Variants in GRID2 observed in about 807,000 individuals in gnomAD.
GRID2 encodes the protein glutamate receptor ionotropic, delta-2.
GRID2 carries 33 observed loss-of-function variants against 114.8 expected under a neutral mutation model. That is an observed-to-expected ratio of 0.29 (90% CI 0.22 to 0.38). The LOEUF (loss-of-function observed/expected upper bound fraction) is 0.38, where lower values mean the gene tolerates loss of function less well. Among genes scored for constraint, GRID2 ranks in the 10% least tolerant of loss-of-function variants. The pLI is 1.00. For synonymous variants in GRID2, 505 were observed against 449.9 expected (o/e 1.12, Z -1.55); for missense variants, 1,184 against 1,257.7 (o/e 0.94, Z 0.89).
At chr4:92,767,644 C>T (rs116882841) in intron 2 of GRID2, among the ~76,000 whole-genome samples, 3,467 of 152,012 alleles carry the variant, frequency 0.023, 97 homozygotes, top group East Asian at 0.12. Flanking sequence ...CCAGCTACTC[C>T]GGAGACTGAG....
chr4:93,389,817 G>A (rs775784283), intron 8 of GRID2, among the ~76,000 whole-genome samples: 1 of 149,138 alleles, frequency 6.7e-6, no homozygotes, highest in Non-Finnish European at 1.5e-5. Context: ...TTTTGAGACA[G>A]TCTTGCTCTG....
intron 1 of GRID2, among the ~76,000 whole-genome samples, chr4:92,418,424 G>A (rs907034203): frequency 1.3e-5 from 2 of 152,022 alleles, no homozygotes; most frequent in Admixed American, 1.3e-4. Flanking sequence ...TGGGAGTGGT[G>A]GAATTGTGAC....
At chr4:92,718,481 T>G (rs1457624280) in intron 2 of GRID2, among the ~76,000 whole-genome samples, 3 of 151,962 alleles carry the variant, frequency 2.0e-5, no homozygotes, top group South Asian at 2.1e-4. Context: ...TTTTAAAAAT[T>G]TCAGGCCAGG....
intron 13 of GRID2, among the ~76,000 whole-genome samples, chr4:93,623,239 G>A (rs962213147): frequency 1.3e-5 from 2 of 151,978 alleles, no homozygotes; most frequent in Admixed American, 1.3e-4. Flanking sequence ...CACATGCCAT[G>A]GTGGTTTGCT....
At chr4:93,805,861 C>A (rs146286380) in intron 1 of GRID2, among the ~76,000 whole-genome samples, 17 of 152,274 alleles carry the variant, frequency 1.1e-4, no homozygotes, top group Middle Eastern at 3.4e-3. Context: ...TTTTGGGAAG[C>A]CGAGGCAAGT....
chr4:93,644,936 G>C (rs1721973355), intron 14 of GRID2, among the ~76,000 whole-genome samples: 1 of 152,134 alleles, frequency 6.6e-6, no homozygotes. Context: ...TACCACATAG[G>C]AGGCCATGCT....
intron 13 of GRID2, among the ~76,000 whole-genome samples, chr4:93,581,595 C>T (rs1229746294): frequency 6.6e-6 from 1 of 152,102 alleles, no homozygotes; most frequent in Non-Finnish European, 1.5e-5. Context: ...AATGCCGAAC[C>T]TACTCATGTA....
intron 1 of GRID2, among the ~76,000 whole-genome samples, chr4:92,472,558 G>A (rs1443471132): frequency 6.6e-6 from 1 of 152,114 alleles, no homozygotes; most frequent in Non-Finnish European, 1.5e-5. Flanking sequence ...ATGTATAAGA[G>A]TTTCAGTTGC....
intron 2 of GRID2, among the ~76,000 whole-genome samples, chr4:92,847,652 T>C (rs575370450): frequency 6.6e-6 from 1 of 152,178 alleles, no homozygotes; most frequent in South Asian, 2.1e-4. Flanking sequence ...ACTGATGAAT[T>C]TGTTCCCATT....
rs145163389 is a variant in GRID2 at position 92,626,134 on chromosome 4, C to T, written c.244+35848C>T. Among the ~76,000 whole-genome samples, 528 of 152,022 alleles carry T rather than the reference C, an allele frequency of 3.5e-3. 1 individual carries two copies. Among genetic ancestry groups the T allele is most frequent in the Middle Eastern group, 0.01 (3 of 294 alleles). On this transcript the variant is annotated intron_variant, in intron 2 of 15. Coordinates refer to ENST00000282020, the MANE Select transcript of GRID2 (RefSeq NM_001510.4). ...AAGTAACTCAATCACTCATTTAAGTCCAACACCAAGCCATATGACAAATGA... is the reference window on the plus strand; with the variant it reads ...AAGTAACTCAATCACTCATTTAAGTTCAACACCAAGCCATATGACAAATGA...
At chr4:93,664,002 A>G (rs6532425) in intron 14 of GRID2, among the ~76,000 whole-genome samples, 86,241 of 152,028 alleles carry the variant, frequency 0.57, 25,982 homozygotes, top group African/African-American at 0.78. Context: ...AAATGAGTGG[A>G]ATGAGTTGTG....
rs181798071 is a variant in GRID2, at chr4:93,331,745, A to G, written c.1246-63862A>G. On this transcript the variant is annotated intron_variant, in intron 8 of 15. Coordinates refer to ENST00000282020, the MANE Select transcript of GRID2 (RefSeq NM_001510.4). ...AGAGTCAGACTGGTAGACTCTATCAATTATCAGCTGTAAATATAAATAATA... is the reference window on the plus strand; with the variant it reads ...AGAGTCAGACTGGTAGACTCTATCAGTTATCAGCTGTAAATATAAATAATA... Among the ~76,000 whole-genome samples, 63 of 152,248 alleles carry G rather than the reference A, an allele frequency of 4.1e-4. No individual in the cohort carries two copies. The East Asian group carries it at 4.6e-3, about 11-fold the overall frequency.
chr4:92,990,623 G>T (rs1247131473), intron 2 of GRID2, among the ~76,000 whole-genome samples: 1 of 151,694 alleles, frequency 6.6e-6, no homozygotes, highest in African/African-American at 2.4e-5. Context: ...CACATTTTCT[G>T]GCCATTTTTA....
chr4:92,907,422 T>A (rs182332219), intron 2 of GRID2, among the ~76,000 whole-genome samples: 3 of 152,246 alleles, frequency 2.0e-5, no homozygotes, highest in East Asian at 1.9e-4. Context: ...GTTTTAAATT[T>A]TTTTTTGAGA....
Position 92,755,636 on chromosome 4 carries a change from G to T in GRID2, c.244+165350G>T, listed in dbSNP as rs189621194. ...TGTGCAAAAAGCTTGAGTCAGGAAA[G>T]AATGTAATGTATTAATGAAACAAAA... On this transcript the variant is annotated intron_variant, in intron 2 of 15. Transcript: ENST00000282020. Among the ~76,000 whole-genome samples, 29 of 152,192 alleles carry T rather than the reference G, an allele frequency of 1.9e-4. No homozygotes were observed. The East Asian group carries it at 5.0e-3, about 26-fold the overall frequency.
chr4:93,447,798 T>G (rs775747057), intron 10 of GRID2, among the ~76,000 whole-genome samples: 1 of 151,942 alleles, frequency 6.6e-6, no homozygotes, highest in Non-Finnish European at 1.5e-5. Flanking sequence ...CCCAAAAGAA[T>G]GGCTGAAAAT....
chr4:93,353,340 C>T (rs1760991047), intron 8 of GRID2, among the ~76,000 whole-genome samples: 1 of 151,992 alleles, frequency 6.6e-6, no homozygotes, highest in South Asian at 2.1e-4. Context: ...TCCCCGCAGT[C>T]AGAGCTAGCC....
chr4:93,809,819 T>TA (rs911875873), exon 2 of GRID2: 14 of 152,260 alleles, frequency 9.2e-5, no homozygotes, highest in Middle Eastern at 6.8e-3. Context: ...TTTTAATACC[T>TA]AAAAAACATT....
chr4:92,759,788 C>CT (rs1219858644), intron 2 of GRID2, among the ~76,000 whole-genome samples: 283 of 138,534 alleles, frequency 2.0e-3, no homozygotes, highest in East Asian at 0.012. Context: ...TCTTCTTCTT[C>CT]TTTTTTTTTT....
Sources: allele counts gnomAD v4.1 joint callset (sites outside exome capture counted in the v4.1 genomes callset), GRCh38; gene constraint gnomAD v4.1.1; transcripts MANE v1.5; gene names NCBI Gene and HGNC (gene_info 2026-07-23, HGNC 2026-07-21).